The following MBNL2 variants were observed in gnomAD, a reference collection of about 807,000 sequenced individuals.
The protein encoded by MBNL2 is muscleblind like splicing regulator 2.
Under a neutral mutation model 41.9 loss-of-function variants are expected in MBNL2, and 17 were observed. That is an observed-to-expected ratio of 0.41 (90% CI 0.28 to 0.61). The LOEUF (loss-of-function observed/expected upper bound fraction) is 0.61, where lower values mean the gene tolerates loss of function less well. Among genes scored for constraint, MBNL2 ranks in the 20% least tolerant of loss-of-function variants. The probability of loss-of-function intolerance (pLI) is 0.35; values close to 1 mark genes in which losing one functional copy is unlikely to be tolerated. For missense variants in MBNL2, 336 were observed against 505.6 expected (o/e 0.66, Z 3.22); for synonymous variants, 195 against 182.9 (o/e 1.07, Z -0.53).
chr13:97,226,417 A>G (rs2041614783), intron 1 of MBNL2, among the ~76,000 whole-genome samples: 1 of 152,236 alleles, frequency 6.6e-6, no homozygotes, highest in Admixed American at 6.5e-5. Context: ...AGTGTTTATT[A>G]AACACCTCTG....
chr13:97,216,543 C>G (rs1484549873), upstream of MBNL2, among the ~76,000 whole-genome samples: 1 of 152,196 alleles, frequency 6.6e-6, no homozygotes, highest in Non-Finnish European at 1.5e-5. Context: ...TGTCTCATCT[C>G]TCTCTTGCTA....
chr13:97,304,416 G>A (rs1566405063), intron 2 of MBNL2, among the ~76,000 whole-genome samples: 2 of 152,154 alleles, frequency 1.3e-5, no homozygotes, highest in African/African-American at 4.8e-5. Flanking sequence ...GGGGTCAAAT[G>A]TAAAAACTCA....
rs930482235 is a variant in MBNL2 at position 97,392,629 on chromosome 13, T to C, written c.*1180T>C. 1.3e-5 allele frequency: 2 copies of C among 152,450 alleles called. No individual in the cohort carries two copies. The highest frequency in any genetic ancestry group is 4.8e-5 in the African/African-American group (2 of 41,432). The allele number at this position is 152,450 out of a possible 1,614,324, so 9.4% of individuals were successfully genotyped here. On this transcript the variant is annotated 3_prime_UTR_variant, in exon 9 of 9. Coordinates refer to ENST00000679496, the MANE Select transcript of MBNL2 (RefSeq NM_001382683.1). ...ACATATTTTAATGTTGTTTACTTTT[T>C]TAAATACTTGGTTGATCTTCAAGGT...
At chr13:97,337,972 A>G (rs1208084059) in intron 3 of MBNL2, among the ~76,000 whole-genome samples, 1 of 152,176 alleles carries the variant, frequency 6.6e-6, no homozygotes, top group African/African-American at 2.4e-5. Context: ...ACCTTTTATC[A>G]AAATATCATA....
At chr13:97,324,945 G>A (rs192725164) in intron 2 of MBNL2, among the ~76,000 whole-genome samples, 1 of 152,210 alleles carries the variant, frequency 6.6e-6, no homozygotes, top group Non-Finnish European at 1.5e-5. Context: ...ATTAGATGGT[G>A]CCCACCCAGA....
chr13:97,188,876 C>T, the MBNL2 span, among the ~76,000 whole-genome samples: 47 of 152,238 alleles, frequency 3.1e-4, 2 homozygotes, highest in East Asian at 8.5e-3. Context: ...GCCAAGACTG[C>T]CCAAAATTCC....
chr13:97,232,337 C>T (rs536380592), intron 1 of MBNL2, among the ~76,000 whole-genome samples: 12 of 152,330 alleles, frequency 7.9e-5, no homozygotes, highest in Admixed American at 7.8e-4. Context: ...TTAGTCCACA[C>T]ACAGATGGCC....
chr13:97,205,294 G>C, the MBNL2 span, among the ~76,000 whole-genome samples: 4 of 150,538 alleles, frequency 2.7e-5, no homozygotes, highest in Non-Finnish European at 5.9e-5. Context: ...AGAAGGCTGA[G>C]GCACAAGAAT....
intron 3 of MBNL2, among the ~76,000 whole-genome samples, chr13:97,335,282 G>A (rs771472124): frequency 6.7e-6 from 1 of 149,636 alleles, no homozygotes; most frequent in Middle Eastern, 3.2e-3. Context: ...TCAGAAACAA[G>A]CTCTTTTTTT....
At chr13:97,276,532 G>A (rs937038979) in intron 2 of MBNL2, 123 bp downstream of exon 2, 1 of 929,856 alleles carries the variant, frequency 1.1e-6, no homozygotes, top group African/African-American at 1.7e-5. Flanking sequence ...TGTTTGTGGT[G>A]ACTGTTGGGA....
chr13:97,377,839 C>G (rs2065096697), intron 8 of MBNL2, among the ~76,000 whole-genome samples: 1 of 152,174 alleles, frequency 6.6e-6, no homozygotes, highest in Non-Finnish European at 1.5e-5. Flanking sequence ...ATTCCTTTGC[C>G]TTGGACAAAG....
chr13:97,340,216 A>T (rs548909348), intron 3 of MBNL2, among the ~76,000 whole-genome samples: 1 of 152,346 alleles, frequency 6.6e-6, no homozygotes, highest in Admixed American at 6.5e-5. Context: ...CCTCTCTGCA[A>T]ATCACCGTAA....
In MBNL2 at chr13:97,366,197, A is replaced by G. The variant is rs574388284; in HGVS notation, c.1048+1026A>G. 2.0e-5 allele frequency among the ~76,000 whole-genome samples: 3 copies of G among 152,356 alleles called. No homozygotes were observed. Among genetic ancestry groups the G allele is most frequent in the East Asian group, 1.9e-4 (1 of 5,190 alleles). Reference sequence around the variant, plus strand: ...TTAGAAATAAAATGTTTATAAATACATCAACCAAAGTAATCTGCTTTGGCC... The same window carrying G: ...TTAGAAATAAAATGTTTATAAATACGTCAACCAAAGTAATCTGCTTTGGCC... On this transcript the variant is annotated intron_variant, in intron 8 of 8. Coordinates refer to ENST00000679496, the MANE Select transcript of MBNL2 (RefSeq NM_001382683.1). The surrounding 1 kb of genome is among the most constrained non-coding windows in gnomAD (Gnocchi z 4.7).
intron 8 of MBNL2, among the ~76,000 whole-genome samples, chr13:97,373,227 A>T (rs1461799114): frequency 6.6e-6 from 1 of 152,232 alleles, no homozygotes; most frequent in Non-Finnish European, 1.5e-5. Flanking sequence ...CCTTGTAAAC[A>T]GTAATCAGGG....
rs1175965494 is a variant in MBNL2, at chr13:97,229,257, T to C, written c.-605+6726T>C. Reference sequence around the variant, plus strand: ...AGAGTTCAGGAAAGTGGAGCTCAGTTTGGGTGGGAGTAAGAGATAAGGCTT... The same window carrying C: ...AGAGTTCAGGAAAGTGGAGCTCAGTCTGGGTGGGAGTAAGAGATAAGGCTT... On this transcript the variant is annotated intron_variant, in intron 1 of 8. Transcript: ENST00000679496. 4.6e-5 allele frequency among the ~76,000 whole-genome samples: 7 copies of C among 151,382 alleles called. No homozygotes were observed. The South Asian group carries it at 6.3e-4, about 14-fold the overall frequency.
intron 7 of MBNL2, among the ~76,000 whole-genome samples, chr13:97,359,317 A>G (rs1355306013): frequency 6.6e-6 from 1 of 152,086 alleles, no homozygotes; most frequent in African/African-American, 2.4e-5. Flanking sequence ...GGAAAAACGT[A>G]AAAGGAGAAG....
chr13:97,205,899 A>C, the MBNL2 span, among the ~76,000 whole-genome samples: 2 of 152,360 alleles, frequency 1.3e-5, no homozygotes, highest in South Asian at 4.1e-4. Flanking sequence ...AACACAAAGA[A>C]GGAAATCTTC....
chr13:97,246,036 A>G (rs564320709), intron 1 of MBNL2, among the ~76,000 whole-genome samples: 1 of 152,318 alleles, frequency 6.6e-6, no homozygotes, highest in Admixed American at 6.5e-5. Flanking sequence ...GTATTACTAC[A>G]TTTTATAGAT....
chr13:97,249,627 G>A (rs1431325525), intron 1 of MBNL2, among the ~76,000 whole-genome samples: 1 of 152,128 alleles, frequency 6.6e-6, no homozygotes, highest in Non-Finnish European at 1.5e-5. Context: ...AAATTGTGCT[G>A]TGATTAACAT....
Sources: allele counts gnomAD v4.1 joint callset (sites outside exome capture counted in the v4.1 genomes callset), GRCh38; gene constraint gnomAD v4.1.1; non-coding constraint Gnocchi (gnomAD v3.1); transcripts MANE v1.5; gene names NCBI Gene and HGNC (gene_info 2026-07-23, HGNC 2026-07-21).